The following KYAT3 variants were observed in gnomAD, a reference collection of about 807,000 sequenced individuals.
KYAT3 encodes kynurenine aminotransferase 3.
KYAT3 carries 50 observed loss-of-function variants against 59.0 expected under a neutral mutation model. The ratio of observed to expected loss-of-function variants is 0.85; its 90% CI spans 0.68 to 1.07. KYAT3 has a LOEUF of 1.07. Ranked by LOEUF, KYAT3 falls within the 50% of genes least tolerant of loss-of-function variation. The pLI is 0.00. For synonymous variants in KYAT3, 148 were observed against 177.0 expected, an observed-to-expected ratio of 0.84 and a Z score of 1.30; for missense variants, 497 against 533.3, an observed-to-expected ratio of 0.93 and a Z score of 0.67.
the KYAT3 span, chr1:88,923,754 A>C: frequency 3.4e-6 from 1 of 290,810 alleles, no homozygotes; most frequent in South Asian, 3.2e-5. Flanking sequence ...TCTGTCTGCC[A>C]GTGCCTGTCT....
At chr1:88,933,111 C>T (rs925184180), downstream of KYAT3, among the ~76,000 whole-genome samples, 1 of 152,118 alleles carries the variant, frequency 6.6e-6, no homozygotes, top group African/African-American at 2.4e-5. Context: ...CTTTTCTGAC[C>T]ACACTACTGT....
At chr1:88,953,229 T>A in intron 9 of KYAT3, 77 bp from the exon 10 acceptor site, 1 of 942,076 alleles carries the variant, frequency 1.1e-6, no homozygotes, top group Non-Finnish European at 1.7e-6. Context: ...TTAAACTTAG[T>A]GCAATTGTTA....
chr1:88,933,197 A>C (rs1226525623), downstream of KYAT3, among the ~76,000 whole-genome samples: 1 of 152,154 alleles, frequency 6.6e-6, no homozygotes, highest in Non-Finnish European at 1.5e-5. Flanking sequence ...TTAGGTATAA[A>C]TTTACATACA....
intron 2 of KYAT3, among the ~76,000 whole-genome samples, chr1:88,986,091 G>C (rs964316254): frequency 1.3e-5 from 2 of 151,826 alleles, no homozygotes; most frequent in Non-Finnish European, 2.9e-5. Context: ...TGAGGCAGGA[G>C]AATTGCTTGA....
At chr1:88,976,036 G>GA (rs67331903) in intron 2 of KYAT3, among the ~76,000 whole-genome samples, 15 of 141,904 alleles carry the variant, frequency 1.1e-4, no homozygotes, top group South Asian at 2.2e-4. Context: ...TCCATCTCAA[G>GA]AAAAAAAAAA....
intron 2 of KYAT3, chr1:88,981,877 T>C (rs1677105236): frequency 1.3e-6 from 1 of 787,324 alleles, no homozygotes; most frequent in Non-Finnish European, 1.5e-6. Context: ...ATTTTCTCCT[T>C]TGCAATCAAG....
At position 88,941,512 on chromosome 1, in the gene KYAT3, T is replaced by C. The variant is rs142864733; in HGVS notation, c.1302+1493A>G. Among the ~76,000 whole-genome samples, 12 of 149,576 alleles carry C rather than the reference T, an allele frequency of 8.0e-5. No homozygotes were observed. The East Asian group carries it at 2.4e-3, about 30-fold the overall frequency. On this transcript the variant is annotated intron_variant, in intron 13 of 13. Transcript: ENST00000260508. ...CATTTTTAAAGGCTATTTTCCTAGA[T>C]ATAGCATTCTAGGCTGTTATTTTTT...
intron 2 of KYAT3, chr1:88,982,185 G>T (rs765954902): frequency 1.2e-6 from 1 of 863,268 alleles, no homozygotes. Context: ...ACTGAGAACA[G>T]TGAGATTTCA....
At chr1:88,973,381 T>C (rs1425863603) in intron 2 of KYAT3, among the ~76,000 whole-genome samples, 4 of 152,228 alleles carry the variant, frequency 2.6e-5, no homozygotes, top group Admixed American at 6.5e-5. Flanking sequence ...CACTATACAA[T>C]GTTCGGAGTC....
the KYAT3 span, among the ~76,000 whole-genome samples, chr1:88,929,009 G>A: frequency 2.0e-5 from 3 of 151,998 alleles, no homozygotes; most frequent in Admixed American, 1.3e-4. Flanking sequence ...CTCGTTTGTT[G>A]TCCCCTGCTT....
At chr1:88,978,312 G>A (rs1471345893) in intron 2 of KYAT3, among the ~76,000 whole-genome samples, 1 of 151,652 alleles carries the variant, frequency 6.6e-6, no homozygotes, top group African/African-American at 2.4e-5. Flanking sequence ...ATGCTTCTTT[G>A]AGATTTTATT....
At chr1:88,972,685 A>T (rs562858622) in intron 2 of KYAT3, among the ~76,000 whole-genome samples, 2 of 152,322 alleles carry the variant, frequency 1.3e-5, no homozygotes, top group East Asian at 3.9e-4. Context: ...TTCACCTGGA[A>T]CACTGCCTGT....
At chr1:88,982,882 G>A (rs773105922) in intron 2 of KYAT3, 191 of 1,613,848 alleles carry the variant, frequency 1.2e-4, no homozygotes, top group Non-Finnish European at 1.6e-4. Flanking sequence ...CATCACGTGA[G>A]CTGCTATAAT....
the KYAT3 span, among the ~76,000 whole-genome samples, chr1:88,924,179 G>A: frequency 6.6e-6 from 1 of 152,182 alleles, no homozygotes; most frequent in East Asian, 1.9e-4. Context: ...AAACCAGCAG[G>A]GTCTGGGGGT....
chr1:88,988,453 T>C (rs980941121), intron 1 of KYAT3, 102 bp from the exon 2 acceptor site: 12 of 611,480 alleles, frequency 2.0e-5, no homozygotes, highest in Non-Finnish European at 2.2e-5. Flanking sequence ...TTACGTAAAA[T>C]CCAAGTAAAC....
chr1:88,954,002 G>A (rs1287458139), intron 9 of KYAT3, among the ~76,000 whole-genome samples: 3 of 151,654 alleles, frequency 2.0e-5, no homozygotes, highest in Non-Finnish European at 4.4e-5. Context: ...CCCAGGTACA[G>A]GTGATTCTCC....
At chr1:88,990,690 C>G (rs1161907756) in intron 1 of KYAT3, among the ~76,000 whole-genome samples, 1 of 152,162 alleles carries the variant, frequency 6.6e-6, no homozygotes, top group Non-Finnish European at 1.5e-5. Flanking sequence ...ACTAGGTAAT[C>G]TCATTGTGTA....
the KYAT3 span, among the ~76,000 whole-genome samples, chr1:88,925,682 AAGAGAGAG>A: frequency 6.8e-6 from 1 of 147,990 alleles, no homozygotes; most frequent in African/African-American, 2.5e-5. Context: ...AGAGAGATGG[AAGAGAGAG>A]AGAGAGAGAG....
chr1:88,975,525 C>G (rs1311914901), intron 2 of KYAT3, among the ~76,000 whole-genome samples: 1 of 152,104 alleles, frequency 6.6e-6, no homozygotes, highest in African/African-American at 2.4e-5. Flanking sequence ...TAAAGTTTCA[C>G]GTGGAAGGTG....
Sources: allele counts gnomAD v4.1 joint callset (sites outside exome capture counted in the v4.1 genomes callset), GRCh38; gene constraint gnomAD v4.1.1; transcripts MANE v1.5; gene names NCBI Gene and HGNC (gene_info 2026-07-23, HGNC 2026-07-21).